The following PAWR variants were observed in gnomAD, a reference collection of about 807,000 sequenced individuals.
The protein encoded by PAWR is pro-apoptotic WT1 regulator.
PAWR carries 23 observed loss-of-function variants against 32.0 expected under a neutral mutation model. The observed-to-expected ratio is 0.72, with a 90% confidence interval of 0.52 to 1.02. PAWR has a LOEUF of 1.02. PAWR is among the 50% of genes least tolerant of loss of function. The probability of loss-of-function intolerance (pLI) is 0.00; values close to 1 mark genes in which losing one functional copy is unlikely to be tolerated. For missense variants in PAWR, 457 were observed against 437.7 expected (o/e 1.04, Z -0.39); for synonymous variants, 226 against 187.1 (o/e 1.21, Z -1.70).
chr12:79,598,559 T>C (rs574166400), intron 4 of PAWR, among the ~76,000 whole-genome samples: 3 of 152,320 alleles, frequency 2.0e-5, no homozygotes, highest in African/African-American at 4.8e-5. Flanking sequence ...GTTTTAAAAA[T>C]TGATTCCTCA....
intron 4 of PAWR, among the ~76,000 whole-genome samples, chr12:79,609,969 C>A (rs745560981): frequency 1.5e-4 from 23 of 152,322 alleles, no homozygotes; most frequent in Admixed American, 2.6e-4. Context: ...GTACAGAATT[C>A]ATTCCTGCCA....
At chr12:79,670,846 T>C (rs1005051088) in intron 2 of PAWR, among the ~76,000 whole-genome samples, 3 of 150,968 alleles carry the variant, frequency 2.0e-5, no homozygotes, top group African/African-American at 7.3e-5. Flanking sequence ...AATTTCCATA[T>C]CAGAATATGT....
At chr12:79,663,782 C>T (rs552568435) in intron 2 of PAWR, among the ~76,000 whole-genome samples, 1 of 151,084 alleles carries the variant, frequency 6.6e-6, no homozygotes, top group South Asian at 2.1e-4. Context: ...AAAAAAAAAA[C>T]CCTATTTATT....
rs921648692 is a variant in PAWR at position 79,690,260 on chromosome 12, G to A, written c.-16C>T. ...CGGTCGCCATATTCCCAAAGGGGCCGGTCGGGCTCTCACCTCAGGCCGCCC... is the reference window on the plus strand; with the variant it reads ...CGGTCGCCATATTCCCAAAGGGGCCAGTCGGGCTCTCACCTCAGGCCGCCC... On this transcript the variant is annotated 5_prime_UTR_variant, in exon 2 of 7. Coordinates refer to ENST00000328827, the MANE Select transcript of PAWR (RefSeq NM_002583.4). 1.3e-6 allele frequency: 2 copies of A among 1,487,140 alleles called. No homozygotes were observed. The highest frequency in any genetic ancestry group is 2.9e-5 in the East Asian group (1 of 34,820). The allele number at this position is 1,487,140 out of a possible 1,614,324, so 92.1% of individuals were successfully genotyped here.
At chr12:79,653,509 C>T (rs565991462) in intron 2 of PAWR, among the ~76,000 whole-genome samples, 9 of 152,204 alleles carry the variant, frequency 5.9e-5, no homozygotes, top group African/African-American at 1.4e-4. Context: ...GGCAGAGTTT[C>T]GCTCTTGTTG....
At chr12:79,631,297 A>G (rs1033631197) in intron 2 of PAWR, among the ~76,000 whole-genome samples, 6 of 152,190 alleles carry the variant, frequency 3.9e-5, no homozygotes, top group South Asian at 4.1e-4. Context: ...TTCAGTATCT[A>G]TCATACTGCC....
chr12:79,674,329 T>G (rs1232853136), intron 2 of PAWR, among the ~76,000 whole-genome samples: 4 of 151,872 alleles, frequency 2.6e-5, no homozygotes, highest in African/African-American at 9.7e-5. Flanking sequence ...TAAACAGTGC[T>G]GAGATAACTG....
intron 6 of PAWR, among the ~76,000 whole-genome samples, chr12:79,593,506 A>T (rs1269563591): frequency 6.6e-6 from 1 of 151,830 alleles, no homozygotes; most frequent in Non-Finnish European, 1.5e-5. Context: ...TTACTGTTAA[A>T]AAAGCAGACA....
intron 2 of PAWR, among the ~76,000 whole-genome samples, chr12:79,661,715 A>ATGT (rs1877359475): frequency 6.6e-6 from 1 of 152,148 alleles, no homozygotes; most frequent in Non-Finnish European, 1.5e-5. Context: ...TCCCTACACC[A>ATGT]TGTTCCCCTT....
chr12:79,631,005 T>A (rs78735416), intron 2 of PAWR, among the ~76,000 whole-genome samples: 3,526 of 152,238 alleles, frequency 0.023, 135 homozygotes, highest in East Asian at 0.18. Context: ...TCTATCCCAG[T>A]AAAACACTTT....
rs137881478 is a variant in PAWR at position 79,596,969 on chromosome 12, ATAAC to A, written c.684-315_684-312del. ...ATAGAGCTTTTGGTTAAAAGGGAAT[ATAAC>A]TAATAATAAAGCAAGATGATCAGTA... On this transcript the variant is annotated intron_variant, in intron 4 of 6. Coordinates refer to ENST00000328827, the MANE Select transcript of PAWR (RefSeq NM_002583.4). The A allele has an allele frequency of 6.8e-3, 1,645 of 242,200 alleles. 32 individuals carry two copies. The highest frequency in any genetic ancestry group is 0.034 in the African/African-American group (1,536 of 44,874). The allele number at this position is 242,200 out of a possible 1,614,324, so 15.0% of individuals were successfully genotyped here. A position where few individuals can be genotyped will look rare whatever the true frequency, so the allele number is the denominator to read the frequency against.
intron 2 of PAWR, among the ~76,000 whole-genome samples, chr12:79,643,159 A>C (rs1324281358): frequency 6.6e-6 from 1 of 152,120 alleles, no homozygotes; most frequent in Non-Finnish European, 1.5e-5. Context: ...TAGTACCTTC[A>C]ATGTGTGTGG....
At chr12:79,613,413 G>C (rs1874529274) in intron 4 of PAWR, among the ~76,000 whole-genome samples, 162 bp downstream of exon 4, 1 of 152,126 alleles carries the variant, frequency 6.6e-6, no homozygotes, top group Admixed American at 6.6e-5. Context: ...GCCATGGTCA[G>C]GCAGACATGA....
chr12:79,618,446 G>C (rs1874849000), intron 3 of PAWR, among the ~76,000 whole-genome samples: 1 of 152,022 alleles, frequency 6.6e-6, no homozygotes, highest in Non-Finnish European at 1.5e-5. Context: ...CTTCTTTCTG[G>C]TAAGAACATT....
At chr12:79,664,666 G>GGT (rs1555177497) in intron 2 of PAWR, among the ~76,000 whole-genome samples, 1 of 148,054 alleles carries the variant, frequency 6.8e-6, no homozygotes, top group African/African-American at 2.6e-5. Context: ...GGCGGGGGGG[G>GGT]GAGGAGAGAG....
chr12:79,661,094 C>G (rs1877328407), intron 2 of PAWR, among the ~76,000 whole-genome samples: 1 of 151,206 alleles, frequency 6.6e-6, no homozygotes, highest in Admixed American at 6.6e-5. Context: ...AGGGTGAAAC[C>G]CCATCTCTAA....
intron 2 of PAWR, among the ~76,000 whole-genome samples, chr12:79,626,179 A>T (rs1875304214): frequency 1.4e-5 from 2 of 138,250 alleles, no homozygotes; most frequent in African/African-American, 6.4e-5. Context: ...AAAAAAAAAA[A>T]AAAAAAGAAT....
In PAWR at chr12:79,596,659, C is replaced by A; in HGVS notation, c.684-1G>T. 1 of 1,559,068 alleles carries A rather than the reference C, an allele frequency of 6.4e-7. No individual in the cohort carries two copies. The highest frequency in any genetic ancestry group is 8.7e-7 in the Non-Finnish European group (1 of 1,155,864). On this transcript the variant is annotated splice_acceptor_variant, in intron 4 of 6. Coordinates refer to ENST00000328827, the MANE Select transcript of PAWR (RefSeq NM_002583.4). LOFTEE classifies it high-confidence loss of function. ...ATCTTCTTCAGAGACACTGGTTGTGCTGTGGAAATATAAACATTTTATTAA... is the reference window on the plus strand; with the variant it reads ...ATCTTCTTCAGAGACACTGGTTGTGATGTGGAAATATAAACATTTTATTAA...
At chr12:79,625,742 C>T (rs926287508) in intron 2 of PAWR, among the ~76,000 whole-genome samples, 2 of 151,712 alleles carry the variant, frequency 1.3e-5, no homozygotes, top group Non-Finnish European at 1.5e-5. Flanking sequence ...ATGTCGCGAA[C>T]GCGGGAGGCA....
Sources: allele counts gnomAD v4.1 joint callset (sites outside exome capture counted in the v4.1 genomes callset), GRCh38; gene constraint gnomAD v4.1.1; transcripts MANE v1.5; gene names NCBI Gene and HGNC (gene_info 2026-07-23, HGNC 2026-07-21).